Variants in CCDC93 observed in about 807,000 individuals in gnomAD.
CCDC93 encodes the protein CCC complex scaffolding subunit CCDC93.
CCDC93 carries 61 observed loss-of-function variants against 108.2 expected under a neutral mutation model. The ratio of observed to expected loss-of-function variants is 0.56; its 90% CI spans 0.46 to 0.70. CCDC93 has a LOEUF of 0.70. Ranked by LOEUF, CCDC93 falls within the 30% of genes least tolerant of loss-of-function variation. CCDC93 has a pLI of 0.00. For missense variants in CCDC93, 685 were observed against 764.2 expected (o/e 0.90, Z 1.22); for synonymous variants, 276 against 260.4 (o/e 1.06, Z -0.58).
intron 18 of CCDC93, among the ~76,000 whole-genome samples, chr2:117,941,778 C>G (rs1387943764): frequency 6.6e-6 from 1 of 152,212 alleles, no homozygotes; most frequent in African/African-American, 2.4e-5. Flanking sequence ...CTAGCATTTT[C>G]TCCCTTCCAC....
chr2:117,921,263 G>A (rs9308760), intron 23 of CCDC93, among the ~76,000 whole-genome samples: 55,212 of 151,374 alleles, frequency 0.36, 10,817 homozygotes, highest in African/African-American at 0.49. Context: ...TTATCACTGA[G>A]GGAGGTCACT....
At chr2:117,963,104 A>G (rs1260494606) in intron 11 of CCDC93, among the ~76,000 whole-genome samples, 1 of 152,230 alleles carries the variant, frequency 6.6e-6, no homozygotes, top group African/African-American at 2.4e-5. Context: ...CCTAGGCCTC[A>G]AATAGTTCCT....
intron 21 of CCDC93, 38 bp downstream of exon 21, chr2:117,936,664 G>C (rs753148696): frequency 9.6e-6 from 15 of 1,563,486 alleles, no homozygotes. Flanking sequence ...GCGCAGGCCG[G>C]CAGGGTATTA....
At chr2:117,999,190 G>C (rs1367227906) in intron 4 of CCDC93, 1 of 152,144 alleles carries the variant, frequency 6.6e-6, no homozygotes, top group Middle Eastern at 3.2e-3. Context: ...TTGAACCCAG[G>C]AGGTCTCCAG....
At chr2:117,968,270 G>A (rs1679653252) in intron 11 of CCDC93, among the ~76,000 whole-genome samples, 1 of 152,164 alleles carries the variant, frequency 6.6e-6, no homozygotes, top group Non-Finnish European at 1.5e-5. Flanking sequence ...CAAGCTTAGG[G>A]GGTTGCAGGG....
intron 22 of CCDC93, among the ~76,000 whole-genome samples, chr2:117,931,931 G>C (rs778526064): frequency 6.6e-6 from 1 of 152,196 alleles, no homozygotes; most frequent in South Asian, 2.1e-4. Flanking sequence ...ACATGGCAAA[G>C]TCACTGCTCT....
intron 23 of CCDC93, among the ~76,000 whole-genome samples, chr2:117,929,200 T>G (rs183118565): frequency 1.3e-5 from 2 of 152,314 alleles, no homozygotes; most frequent in African/African-American, 4.8e-5. Flanking sequence ...ACATGGCACA[T>G]GTACATATAT....
intron 4 of CCDC93, among the ~76,000 whole-genome samples, chr2:117,999,634 C>T (rs920435388): frequency 6.6e-5 from 10 of 151,918 alleles, no homozygotes; most frequent in African/African-American, 2.4e-4. Context: ...TTCCAGGACC[C>T]GCTAGATATT....
At chr2:117,952,006 A>C (rs1679070822) in intron 13 of CCDC93, among the ~76,000 whole-genome samples, 2 of 151,976 alleles carry the variant, frequency 1.3e-5, no homozygotes, top group Admixed American at 6.5e-5. Flanking sequence ...AGGATCTTAG[A>C]GTTACTATAC....
At chr2:118,008,325 A>G (rs1248347218) in intron 2 of CCDC93, among the ~76,000 whole-genome samples, 6 of 152,212 alleles carry the variant, frequency 3.9e-5, no homozygotes, top group Non-Finnish European at 5.9e-5. Context: ...TGCATTTCCT[A>G]AAGCTTTGTG....
In CCDC93 at chr2:117,917,435, T is replaced by A. The variant is rs1426910987; in HGVS notation, c.*2908A>T. 2 of 152,732 alleles carry A rather than the reference T, an allele frequency of 1.3e-5. No homozygotes were observed. Among genetic ancestry groups the A allele is most frequent in the East Asian group, 3.9e-4 (2 of 5,188 alleles). 9.5% of individuals were successfully genotyped at this position (152,732 alleles called of 1,614,324 possible). A position where few individuals can be genotyped will look rare whatever the true frequency, so the allele number is the denominator to read the frequency against. On this transcript the variant is annotated 3_prime_UTR_variant, in exon 24 of 24. Transcript: ENST00000376300. ...ATTGTCAGAGAATGCTTCCCATGCC[T>A]GGACCCTGGACCTTCTGGTTGTGCT...
chr2:118,001,208 A>C, intron 3 of CCDC93: 1 of 297,496 alleles, frequency 3.4e-6, no homozygotes, highest in East Asian at 6.2e-5. Context: ...AATGATGGTA[A>C]CATTAGAGGT....
At position 117,952,395 on chromosome 2, in the gene CCDC93, T is replaced by G. The variant is rs111848781; in HGVS notation, c.1046A>C (p.Glu349Ala). 6.2e-7 allele frequency: 1 copy of G among 1,613,304 alleles called. No homozygotes were observed. Among genetic ancestry groups the G allele is most frequent in the South Asian group, 1.1e-5 (1 of 91,058 alleles). The change falls in exon 13 of 24, where the codon GAA becomes GCA. Residue 349 changes from glutamate to alanine, a missense_variant. Glu to Ala is a moderately radical substitution (Grantham distance 107, BLOSUM62 -1). Transcript: ENST00000376300. ...SHTSLQARYN[E>A]AKKTLTELKT... ...CACCTCTGTCAGCGTTTTCTTGGCT[T>G]CATTATATCTGGCTTGTAGGCTGGT...
intron 12 of CCDC93, among the ~76,000 whole-genome samples, chr2:117,955,723 A>G (rs967396090): frequency 6.6e-6 from 1 of 152,218 alleles, no homozygotes; most frequent in African/African-American, 2.4e-5. Flanking sequence ...TTTATAAAGC[A>G]CATAGTAATT....
chr2:117,962,411 A>G (rs1679426455), intron 11 of CCDC93, among the ~76,000 whole-genome samples: 1 of 152,216 alleles, frequency 6.6e-6, no homozygotes, highest in Non-Finnish European at 1.5e-5. Flanking sequence ...CCAGAGGCCA[A>G]GGTGAGTGGA....
At chr2:117,980,028 C>T (rs1370673349) in intron 7 of CCDC93, among the ~76,000 whole-genome samples, 1 of 152,210 alleles carries the variant, frequency 6.6e-6, no homozygotes, top group African/African-American at 2.4e-5. Context: ...ATCACAGTGG[C>T]TTCTTGGTTT....
At chr2:117,965,069 C>A (rs1317041762) in intron 11 of CCDC93, among the ~76,000 whole-genome samples, 2 of 152,054 alleles carry the variant, frequency 1.3e-5, no homozygotes, top group East Asian at 3.9e-4. Flanking sequence ...TTATGCAACA[C>A]CTATTATGTT....
chr2:117,990,644 AAAAC>A (rs1680448907), intron 6 of CCDC93, among the ~76,000 whole-genome samples: 1 of 152,174 alleles, frequency 6.6e-6, no homozygotes, highest in Non-Finnish European at 1.5e-5. Flanking sequence ...AAAAAAAAAA[AAAAC>A]AGAGATACAA....
chr2:117,941,529 A>G lies in CCDC93; in HGVS notation c.1414-232T>C, dbSNP rs140981971. Among the ~76,000 whole-genome samples, 240 of 152,244 alleles carry G rather than the reference A, an allele frequency of 1.6e-3. 1 individual carries two copies. The highest frequency in any genetic ancestry group is 5.5e-3 in the African/African-American group (228 of 41,534). ...TGTGAACTGAATCACAGAAGGCACCAAATGAGTGGACCAGGAGGGAAGATA... is the reference window on the plus strand; with the variant it reads ...TGTGAACTGAATCACAGAAGGCACCGAATGAGTGGACCAGGAGGGAAGATA... On this transcript the variant is annotated intron_variant, in intron 18 of 23. Transcript: ENST00000376300.
Sources: allele counts gnomAD v4.1 joint callset (sites outside exome capture counted in the v4.1 genomes callset), GRCh38; gene constraint gnomAD v4.1.1; transcripts MANE v1.5; gene names NCBI Gene and HGNC (gene_info 2026-07-23, HGNC 2026-07-21).